Variants in KHDRBS2 observed in about 807,000 individuals in gnomAD.
The protein encoded by KHDRBS2 is KH RNA binding domain containing, signal transduction associated 2.
Under a neutral mutation model 44.3 loss-of-function variants are expected in KHDRBS2, and 26 were observed. That is an observed-to-expected ratio of 0.59 (90% CI 0.43 to 0.81). The LOEUF is 0.81. KHDRBS2 is among the 40% of genes least tolerant of loss of function. KHDRBS2 has a pLI of 0.00. For synonymous variants in KHDRBS2, 194 were observed against 151.1 expected (o/e 1.28, Z -2.08); for missense variants, 476 against 433.1 (o/e 1.10, Z -0.88).
In KHDRBS2 at chr6:61,933,024, A is replaced by G. The variant is rs139319963; in HGVS notation, c.484-31653T>C. Among the ~76,000 whole-genome samples the G allele has an allele frequency of 4.2e-3, 643 of 152,304 alleles. 5 individuals carry two copies. Among genetic ancestry groups the G allele is most frequent in the African/African-American group, 0.015 (617 of 41,570 alleles). On this transcript the variant is annotated intron_variant, in intron 4 of 8. Coordinates refer to ENST00000281156, the MANE Select transcript of KHDRBS2 (RefSeq NM_152688.4). ...TGTTCTTGCAGTGCTATAAAGAAAT[A>G]CCGGAAACTGGGCAATTTATAAATA...
intron 2 of KHDRBS2, among the ~76,000 whole-genome samples, chr6:62,150,976 C>A (rs1392608658): frequency 6.6e-6 from 1 of 152,100 alleles, no homozygotes; most frequent in African/African-American, 2.4e-5. Flanking sequence ...AATCTTTAAG[C>A]TTTACTTTGT....
chr6:62,110,348 T>A (rs1296036134), intron 2 of KHDRBS2, among the ~76,000 whole-genome samples: 2 of 152,054 alleles, frequency 1.3e-5, no homozygotes, highest in Non-Finnish European at 2.9e-5. Flanking sequence ...GAAAGAAATA[T>A]CTGTACCCAT....
At chr6:61,712,581 A>G (rs1223267292) in intron 7 of KHDRBS2, among the ~76,000 whole-genome samples, 1 of 151,908 alleles carries the variant, frequency 6.6e-6, no homozygotes, top group Non-Finnish European at 1.5e-5. Flanking sequence ...ACTGGACAGA[A>G]ACCAGTTTAA....
chr6:61,974,703 C>T (rs148385433), intron 4 of KHDRBS2, among the ~76,000 whole-genome samples: 87 of 151,850 alleles, frequency 5.7e-4, no homozygotes, highest in African/African-American at 1.9e-3. Context: ...GAGGCTGAGG[C>T]GGGTGGATCA....
intron 1 of KHDRBS2, among the ~76,000 whole-genome samples, chr6:62,258,959 G>T (rs1404436550): frequency 6.6e-6 from 1 of 151,964 alleles, no homozygotes; most frequent in Non-Finnish European, 1.5e-5. Context: ...TCACTTCAAA[G>T]AGAAGAAAAT....
chr6:61,835,729 G>GTA (rs906337557), intron 6 of KHDRBS2, among the ~76,000 whole-genome samples: 1 of 151,518 alleles, frequency 6.6e-6, no homozygotes, highest in Admixed American at 6.6e-5. Context: ...GTGTGTGTGT[G>GTA]TGTGTGTGTG....
At chr6:61,931,306 T>A (rs567927179) in intron 4 of KHDRBS2, among the ~76,000 whole-genome samples, 1 of 151,996 alleles carries the variant, frequency 6.6e-6, no homozygotes, top group Non-Finnish European at 1.5e-5. Flanking sequence ...ACTGAAACTT[T>A]CAGGTAACTA....
intron 4 of KHDRBS2, among the ~76,000 whole-genome samples, chr6:61,933,444 G>C (rs184228381): frequency 9.2e-5 from 14 of 152,270 alleles, no homozygotes; most frequent in Non-Finnish European, 1.5e-4. Context: ...ATATCTCTTT[G>C]ACATACTGAT....
intron 4 of KHDRBS2, among the ~76,000 whole-genome samples, chr6:61,907,658 G>C (rs1173814907): frequency 6.6e-6 from 1 of 152,166 alleles, no homozygotes; most frequent in African/African-American, 2.4e-5. Flanking sequence ...ATTTATTAAA[G>C]AGACTGTCTT....
At chr6:61,942,624 G>A (rs1256864080) in intron 4 of KHDRBS2, among the ~76,000 whole-genome samples, 1 of 152,036 alleles carries the variant, frequency 6.6e-6, no homozygotes, top group Non-Finnish European at 1.5e-5. Flanking sequence ...GTCCCAGAAT[G>A]CAAGGAGAGA....
chr6:61,690,066 C>T (rs1767225146), intron 8 of KHDRBS2, among the ~76,000 whole-genome samples: 1 of 151,874 alleles, frequency 6.6e-6, no homozygotes, highest in Admixed American at 6.6e-5. Flanking sequence ...TCAAGTGTAG[C>T]ACATTTATTT....
the KHDRBS2 span, among the ~76,000 whole-genome samples, chr6:61,562,590 G>A: frequency 6.6e-6 from 1 of 152,126 alleles, no homozygotes; most frequent in African/African-American, 2.4e-5. Flanking sequence ...TAGGCCTTTT[G>A]TCAGTACTAT....
intron 1 of KHDRBS2, among the ~76,000 whole-genome samples, chr6:62,246,105 T>C (rs1835508362): frequency 3.7e-5 from 1 of 27,368 alleles, no homozygotes; most frequent in Non-Finnish European, 7.7e-5. Flanking sequence ...ATCAATTTTA[T>C]ATATATATAT....
intron 4 of KHDRBS2, among the ~76,000 whole-genome samples, chr6:61,966,351 A>AGCATTTTAATGCAATTTTAGTTAT (rs1239126225): frequency 6.6e-6 from 1 of 152,062 alleles, no homozygotes; most frequent in Non-Finnish European, 1.5e-5. Context: ...AAATAAATTT[A>AGCATTTTAATGCAATTTTAGTTAT]GCATTTTAAT....
At chr6:61,682,620 A>T (rs1766427258) in intron 8 of KHDRBS2, among the ~76,000 whole-genome samples, 1 of 151,904 alleles carries the variant, frequency 6.6e-6, no homozygotes, top group Non-Finnish European at 1.5e-5. Context: ...TGTGATAGAG[A>T]TTATACTGCT....
At chr6:61,770,925 G>A (rs917272414) in intron 6 of KHDRBS2, among the ~76,000 whole-genome samples, 11 of 152,150 alleles carry the variant, frequency 7.2e-5, no homozygotes, top group African/African-American at 2.4e-4. Context: ...AATGTTAAGG[G>A]CAGCCAGAGA....
At chr6:61,912,911 A>G (rs1052022544) in intron 4 of KHDRBS2, among the ~76,000 whole-genome samples, 1 of 152,140 alleles carries the variant, frequency 6.6e-6, no homozygotes, top group African/African-American at 2.4e-5. Flanking sequence ...CTCCAACGCC[A>G]TATCTCAAAG....
chr6:61,924,203 A>G (rs9360174), intron 4 of KHDRBS2, among the ~76,000 whole-genome samples: 131,851 of 152,014 alleles, frequency 0.87, 57,641 homozygotes, highest in African/African-American at 0.95. Context: ...GATGAAGGAA[A>G]GATTCAATAT....
At chr6:61,772,041 T>C (rs1466416351) in intron 6 of KHDRBS2, among the ~76,000 whole-genome samples, 1 of 152,092 alleles carries the variant, frequency 6.6e-6, no homozygotes, top group Non-Finnish European at 1.5e-5. Context: ...CTCAACCACA[T>C]GGAAACTGAA....
Sources: gnomAD v4.1 joint callset for allele counts (sites outside exome capture counted in the v4.1 genomes callset) on GRCh38, gnomAD v4.1.1 for gene constraint, MANE v1.5 for transcripts, NCBI Gene and HGNC (gene_info 2026-07-23, HGNC 2026-07-21) for gene names.